The following JAM2 variants were observed in gnomAD, a reference collection of about 807,000 sequenced individuals.
JAM2 encodes junctional adhesion molecule 2.
Under a neutral mutation model 42.0 loss-of-function variants are expected in JAM2, and 17 were observed. The observed-to-expected ratio is 0.40, with a 90% CI of 0.28 to 0.61. JAM2 has a LOEUF of 0.61. Among genes scored for constraint, JAM2 ranks in the 20% least tolerant of loss-of-function variants. JAM2 has a pLI of 0.37. For synonymous variants in JAM2, 118 were observed against 128.6 expected (o/e 0.92, Z 0.56); for missense variants, 319 against 358.3 (o/e 0.89, Z 0.89).
chr21:25,672,339 T>C (rs2033381240), intron 1 of JAM2, among the ~76,000 whole-genome samples: 1 of 152,136 alleles, frequency 6.6e-6, no homozygotes, highest in Admixed American at 6.5e-5. Flanking sequence ...GTATCAGCTG[T>C]TAGGGTGTTT....
rs767878163 is a variant in JAM2 at position 25,683,893 on chromosome 21, C to T, written c.78C>T (p.Ala26=). 4 of 1,604,562 alleles carry T rather than the reference C, an allele frequency of 2.5e-6. No individual in the cohort carries two copies. In the Admixed American group the frequency reaches 6.7e-5, roughly 27 times the overall value. ...YLVVALGYHK[A]YGFSAPKDQQ... is the part of the protein sequence containing the mutation. ...GTTTTAATCTTTCAGATCATAAGGC[C>T]TATGGGTTTTCTGCCCCAAAAGACC... Residue 26 remains alanine (A), a synonymous_variant, in exon 2 of 10, where the codon GCC becomes GCT. Transcript: ENST00000480456.
At chr21:25,674,819 A>C (rs900523047) in intron 1 of JAM2, among the ~76,000 whole-genome samples, 1 of 151,634 alleles carries the variant, frequency 6.6e-6, no homozygotes, top group Non-Finnish European at 1.5e-5. Context: ...TGACCATAAT[A>C]TCTAGCTCCA....
chr21:25,650,277 T>A (rs1188945167), intron 1 of JAM2, among the ~76,000 whole-genome samples: 1 of 152,258 alleles, frequency 6.6e-6, no homozygotes, highest in Non-Finnish European at 1.5e-5. Context: ...TCCAGTATTT[T>A]TATAGGTTGG....
At chr21:25,714,093 C>T in intron 9 of JAM2, 1 of 1,074,116 alleles carries the variant, frequency 9.3e-7, no homozygotes, top group Non-Finnish European at 1.2e-6. Context: ...ATCCTCCTAA[C>T]AGGATTTGTC....
At chr21:25,670,275 G>T (rs1292771398) in intron 1 of JAM2, among the ~76,000 whole-genome samples, 3 of 152,090 alleles carry the variant, frequency 2.0e-5, no homozygotes, top group Non-Finnish European at 4.4e-5. Context: ...CTTGAGCCCA[G>T]AGTTTCGAGA....
chr21:25,641,922 C>G (rs910451355), intron 1 of JAM2, among the ~76,000 whole-genome samples: 1 of 152,004 alleles, frequency 6.6e-6, no homozygotes, highest in East Asian at 1.9e-4. Flanking sequence ...AGAATGACTG[C>G]GAATTGCTGT....
At chr21:25,706,622 C>T (rs1378133873) in intron 7 of JAM2, among the ~76,000 whole-genome samples, 1 of 152,252 alleles carries the variant, frequency 6.6e-6, no homozygotes, top group African/African-American at 2.4e-5. Context: ...CCTAGTTGCA[C>T]ATTCCAGGGA....
intron 1 of JAM2, among the ~76,000 whole-genome samples, chr21:25,645,922 T>C (rs1286556366): frequency 6.6e-6 from 1 of 152,186 alleles, no homozygotes; most frequent in Non-Finnish European, 1.5e-5. Context: ...AAAAGATAAA[T>C]GGTACACCTG....
chr21:25,677,201 GA>G (rs147241644), intron 1 of JAM2, among the ~76,000 whole-genome samples: 2,478 of 142,086 alleles, frequency 0.017, 62 homozygotes, highest in African/African-American at 0.06. Context: ...CACACAAAAA[GA>G]AAAAAAAAAG....
intron 4 of JAM2, 27 bp from the exon 5 acceptor site, chr21:25,698,646 TAATC>T (rs1209773773): frequency 6.4e-7 from 1 of 1,574,792 alleles, no homozygotes; most frequent in Non-Finnish European, 8.7e-7. Context: ...AGCTTATAAA[TAATC>T]AATATCATTT....
At position 25,679,324 on chromosome 21, in the gene JAM2, T is replaced by C. The variant is rs149602263; in HGVS notation, c.68-4559T>C. 3.8e-3 allele frequency among the ~76,000 whole-genome samples: 585 copies of C among 152,344 alleles called. 3 individuals are homozygous for C. The highest frequency in any genetic ancestry group is 6.6e-3 in the Non-Finnish European group (446 of 68,032). ...ACAATTCTGATTTTATACAAACTTT[T>C]CAAAATCCTAGAATTCATGGTTCTT... On this transcript the variant is annotated intron_variant, in intron 1 of 9. Coordinates refer to ENST00000480456, the MANE Select transcript of JAM2 (RefSeq NM_021219.4).
At chr21:25,710,243 T>C (rs944646500) in intron 8 of JAM2, 5 of 152,236 alleles carry the variant, frequency 3.3e-5, no homozygotes, top group Admixed American at 6.5e-5. Context: ...GTCATTTTTT[T>C]ATATTAATTG....
At chr21:25,681,171 C>A (rs2033622299) in intron 1 of JAM2, among the ~76,000 whole-genome samples, 1 of 152,156 alleles carries the variant, frequency 6.6e-6, no homozygotes, top group Non-Finnish European at 1.5e-5. Context: ...ATTCTTACAT[C>A]ATGTATAATT....
chr21:25,708,594 G>A (rs1163344546), intron 7 of JAM2, among the ~76,000 whole-genome samples: 2 of 152,132 alleles, frequency 1.3e-5, no homozygotes, highest in African/African-American at 2.4e-5. Context: ...GAGCGGCTCT[G>A]TCAATTAATA....
At position 25,643,905 on chromosome 21, in the gene JAM2, T is replaced by TGACACTGATCA. The variant is rs1600983969; in HGVS notation, c.67+4017_67+4018insGACACTGATCA. 4 of 152,324 alleles carry TGACACTGATCA rather than the reference T, an allele frequency of 2.6e-5. No individual in the cohort carries two copies. In the East Asian group the frequency reaches 7.7e-4, roughly 29 times the overall value. 9.4% of individuals were successfully genotyped at this position (152,324 alleles called of 1,614,324 possible). On this transcript the variant is annotated intron_variant, in intron 1 of 9. Transcript: ENST00000480456. ...ATTGGTTTCCTCCTGTGGGCCTTCC[T>TGACACTGATCA]CATAGAGAAGATGTATTGGAATATA...
chr21:25,654,406 T>C (rs2032867920), intron 1 of JAM2, among the ~76,000 whole-genome samples: 1 of 152,102 alleles, frequency 6.6e-6, no homozygotes, highest in African/African-American at 2.4e-5. Context: ...CCCAGCACTT[T>C]GGGAGGCTGA....
At chr21:25,656,790 A>G (rs1427024293) in intron 1 of JAM2, among the ~76,000 whole-genome samples, 1 of 152,216 alleles carries the variant, frequency 6.6e-6, no homozygotes, top group African/African-American at 2.4e-5. Flanking sequence ...CATGGGATAT[A>G]TATTCAGAGT....
chr21:25,675,062 G>T (rs2033450498), intron 1 of JAM2, among the ~76,000 whole-genome samples: 2 of 152,108 alleles, frequency 1.3e-5, no homozygotes, highest in Non-Finnish European at 2.9e-5. Flanking sequence ...TGTACAGGAA[G>T]CATAGTGGCT....
chr21:25,696,710 T>C (rs1357881960), intron 4 of JAM2, among the ~76,000 whole-genome samples: 1 of 152,156 alleles, frequency 6.6e-6, no homozygotes, highest in Admixed American at 6.5e-5. Context: ...ATTCTTGGTG[T>C]TGCCAGATTT....
Sources: allele counts gnomAD v4.1 joint callset (sites outside exome capture counted in the v4.1 genomes callset), GRCh38; gene constraint gnomAD v4.1.1; transcripts MANE v1.5; gene names NCBI Gene and HGNC (gene_info 2026-07-23, HGNC 2026-07-21).